The following CHM variants were observed in gnomAD, a reference collection of about 807,000 sequenced individuals.
CHM encodes the protein CHM Rab escort protein.
In CHM, 10 loss-of-function variants were observed where a neutral mutation model predicts 49.0. That is an observed-to-expected ratio of 0.20 (90% CI 0.13 to 0.35). CHM has a LOEUF of 0.35. Among genes scored for constraint, CHM ranks in the 10% least tolerant of loss-of-function variants. The pLI is 1.00. For missense variants in CHM, 455 were observed against 478.4 expected (o/e 0.95, Z 0.46); for synonymous variants, 184 against 167.5 (o/e 1.10, Z -0.76).
At chrX:85,971,336 C>G (rs1017183500) in intron 4 of CHM, 1 of 356,213 alleles carries the variant, frequency 2.8e-6, no homozygotes, top group African/African-American at 2.8e-5. Flanking sequence ...TGTTACAGCT[C>G]TTAAGGTGGC....
intron 8 of CHM, among the ~76,000 whole-genome samples, chrX:85,932,459 C>T (rs1406730912): frequency 8.9e-6 from 1 of 112,160 alleles, no homozygotes; most frequent in Non-Finnish European, 1.9e-5. Context: ...TTTCTTTTCT[C>T]ATATAAATTG....
chrX:85,951,944 T>C (rs1929773510), intron 8 of CHM, among the ~76,000 whole-genome samples: 1 of 111,644 alleles, frequency 9.0e-6, no homozygotes, highest in South Asian at 3.7e-4. Flanking sequence ...GATGTAGCAT[T>C]GAACTTGGTG....
chrX:85,946,309 G>A (rs760303118), intron 8 of CHM, among the ~76,000 whole-genome samples: 1 of 112,488 alleles, frequency 8.9e-6, no homozygotes, highest in Admixed American at 9.4e-5. Flanking sequence ...AAGACAATGG[G>A]AAAAAGGCTT....
intron 2 of CHM, among the ~76,000 whole-genome samples, chrX:86,011,614 A>G (rs1183816757): frequency 1.8e-5 from 2 of 112,095 alleles, no homozygotes; most frequent in African/African-American, 6.5e-5. Flanking sequence ...ATGGCTCCCC[A>G]AAGATGCTCA....
intron 4 of CHM, among the ~76,000 whole-genome samples, chrX:85,978,146 T>C (rs1603268588): frequency 8.9e-6 from 1 of 111,986 alleles, no homozygotes; most frequent in East Asian, 2.8e-4. Flanking sequence ...ACTAATCCAA[T>C]TGTTTTTAAA....
intron 2 of CHM, among the ~76,000 whole-genome samples, chrX:86,009,230 T>A (rs1049771904): frequency 6.2e-5 from 7 of 112,546 alleles, no homozygotes; most frequent in Non-Finnish European, 1.3e-4. Context: ...TTAATTTATT[T>A]ATTGAATCTC....
intron 13 of CHM, among the ~76,000 whole-genome samples, chrX:85,876,779 T>G (rs1924442632): frequency 9.0e-6 from 1 of 111,683 alleles, no homozygotes; most frequent in African/African-American, 3.3e-5. Context: ...AAACAATACA[T>G]CATTTCAAAA....
chrX:85,969,103 C>A, intron 4 of CHM: 1 of 692,938 alleles, frequency 1.4e-6, no homozygotes, highest in Non-Finnish European at 1.7e-6. Flanking sequence ...ATTCCTATTG[C>A]AAAAAAATCT....
At chrX:85,868,344 T>C (rs188899896) in intron 14 of CHM, among the ~76,000 whole-genome samples, 59 of 110,889 alleles carry the variant, frequency 5.3e-4, no homozygotes, top group African/African-American at 1.9e-3. Flanking sequence ...CATTTTTTAT[T>C]ATGGCTATTT....
chrX:86,026,490 G>C (rs1452635699), intron 2 of CHM, among the ~76,000 whole-genome samples: 1 of 110,625 alleles, frequency 9.0e-6, no homozygotes, highest in Non-Finnish European at 1.9e-5. Context: ...TGAATTGAGA[G>C]ATTAACACAA....
intron 2 of CHM, among the ~76,000 whole-genome samples, chrX:85,995,488 A>T (rs1376501099): frequency 3.6e-5 from 4 of 110,851 alleles, no homozygotes; most frequent in African/African-American, 1.3e-4. Flanking sequence ...TGACCATCAA[A>T]CCCAGTATTT....
chrX:85,919,666 T>C (rs1927665340), intron 8 of CHM, among the ~76,000 whole-genome samples: 1 of 111,987 alleles, frequency 8.9e-6, no homozygotes, highest in African/African-American at 3.2e-5. Context: ...AGAAGAAGTT[T>C]AATAATGAGA....
intron 1 of CHM, among the ~76,000 whole-genome samples, chrX:86,034,716 G>A (rs1268456823): frequency 9.0e-6 from 1 of 111,462 alleles, no homozygotes; most frequent in Non-Finnish European, 1.9e-5. Context: ...GCAGGCAGAG[G>A]TTGTAGTGAG....
intron 3 of CHM, among the ~76,000 whole-genome samples, chrX:85,979,441 G>C: frequency 9.0e-6 from 1 of 110,953 alleles, no homozygotes; most frequent in Non-Finnish European, 1.9e-5. Context: ...ATTAGTCCCT[G>C]AATACCTTAA....
At chrX:85,931,106 C>G (rs1928408230) in intron 8 of CHM, among the ~76,000 whole-genome samples, 1 of 111,327 alleles carries the variant, frequency 9.0e-6, no homozygotes, top group Middle Eastern at 4.3e-3. Flanking sequence ...ATTTTTAAAA[C>G]AAACCAAAAT....
At position 85,957,947 on chromosome X, in the gene CHM, T is replaced by C. The variant is rs1930089509; in HGVS notation, c.848A>G (p.Asn283Ser). The change falls in exon 7 of 15, where the codon AAT becomes AGT. Residue 283 changes from asparagine to serine, a missense_variant. Coordinates refer to ENST00000357749, the MANE Select transcript of CHM (RefSeq NM_000390.4). The stretch of plus-strand genomic sequence containing the variant: ...TTCTACCATAGTAAGTTGTTTGCTA[T>C]TAAAGACATCTGCTCTGGAACACGG... Reference protein sequence around the residue: ...QVPCSRADVFNSKQLTMVEKR... With the variant: ...QVPCSRADVFSSKQLTMVEKR... The C allele has an allele frequency of 8.3e-7, 1 of 1,209,487 alleles. No homozygotes were observed. Among genetic ancestry groups the C allele is most frequent in the Admixed American group, 2.2e-5 (1 of 45,743 alleles).
intron 8 of CHM, among the ~76,000 whole-genome samples, chrX:85,940,593 GC>G (rs200480228): frequency 0.01 from 1,025 of 100,074 alleles, 45 homozygotes; most frequent in Admixed American, 0.1. Flanking sequence ...GCACAAGACA[GC>G]CCTTTCCCCA....
chrX:86,020,508 A>G (rs963946002), intron 2 of CHM, among the ~76,000 whole-genome samples: 8 of 107,772 alleles, frequency 7.4e-5, no homozygotes, highest in African/African-American at 2.7e-4. Flanking sequence ...ACATATATAT[A>G]TATATACATA....
rs769749707 is a variant in CHM at position 86,005,062 on chromosome X, T to C, written c.116+22429A>G. On this transcript the variant is annotated intron_variant, in intron 2 of 14. Coordinates refer to ENST00000357749, the MANE Select transcript of CHM (RefSeq NM_000390.4). ...AAAGAACAGAAATCACAACAAACTG[T>C]CTCTCAGACCACAGTGCAATCAAAC... Among the ~76,000 whole-genome samples, 31 of 112,048 alleles carry C rather than the reference T, an allele frequency of 2.8e-4. No homozygotes were observed. The South Asian group carries it at 7.4e-3, about 27-fold the overall frequency.
Sources: gnomAD v4.1 joint callset for allele counts (sites outside exome capture counted in the v4.1 genomes callset) on GRCh38, gnomAD v4.1.1 for gene constraint, MANE v1.5 for transcripts, NCBI Gene and HGNC (gene_info 2026-07-23, HGNC 2026-07-21) for gene names.